Variants in CSF1R observed in about 807,000 individuals in gnomAD.
The protein encoded by CSF1R is macrophage colony-stimulating factor 1 receptor.
In CSF1R, 40 loss-of-function variants were observed where a neutral mutation model predicts 110.0. The ratio of observed to expected loss-of-function variants is 0.36; its 90% confidence interval spans 0.28 to 0.47. The LOEUF (loss-of-function observed/expected upper bound fraction) is 0.47, where lower values mean the gene tolerates loss of function less well. Among genes scored for constraint, CSF1R ranks in the 20% least tolerant of loss-of-function variants. The probability of loss-of-function intolerance (pLI) is 0.99; values close to 1 mark genes in which losing one functional copy is unlikely to be tolerated. For synonymous variants in CSF1R, 523 were observed against 503.4 expected, an observed-to-expected ratio of 1.04 and a Z score of -0.52; for missense variants, 1,052 against 1,253.0, an observed-to-expected ratio of 0.84 and a Z score of 2.42.
At chr5:150,089,909 G>A (rs929090646), upstream of CSF1R, among the ~76,000 whole-genome samples, 7 of 152,254 alleles carry the variant, frequency 4.6e-5, no homozygotes, top group East Asian at 9.6e-4. Context: ...AACAAGGGTG[G>A]CAGGACCATC....
At chr5:150,056,420 C>G in intron 16 of CSF1R, 79 bp from the exon 17 acceptor site, 1 of 1,570,584 alleles carries the variant, frequency 6.4e-7, no homozygotes, top group Non-Finnish European at 8.7e-7. Context: ...AGGGAGGGCC[C>G]CACATGGCTT....
upstream of CSF1R, among the ~76,000 whole-genome samples, chr5:150,089,858 G>A (rs1037287952): frequency 6.6e-6 from 1 of 152,182 alleles, no homozygotes; most frequent in Non-Finnish European, 1.5e-5. Flanking sequence ...AAAATTGAGA[G>A]TCAGGAAGTA....
chr5:150,094,095 G>GT (rs1318169879), intron 1 of CSF1R, among the ~76,000 whole-genome samples: 1 of 151,478 alleles, frequency 6.6e-6, no homozygotes, highest in African/African-American at 2.4e-5. Context: ...ATTATTATGT[G>GT]TCAATCAAAA....
At chr5:150,085,532 A>G (rs1468419410) in intron 1 of CSF1R, among the ~76,000 whole-genome samples, 3 of 152,052 alleles carry the variant, frequency 2.0e-5, no homozygotes, top group African/African-American at 4.8e-5. Context: ...CCTCACCTCT[A>G]GTCATGTTCC....
At chr5:150,079,299 T>C (rs1377954053) in intron 3 of CSF1R, among the ~76,000 whole-genome samples, 2 of 152,200 alleles carry the variant, frequency 1.3e-5, no homozygotes. Flanking sequence ...CCCAGTGGCA[T>C]TGGGCTAGCT....
At chr5:150,058,133 G>A (rs1757335194) in intron 14 of CSF1R, 3 of 448,976 alleles carry the variant, frequency 6.7e-6, no homozygotes, top group Non-Finnish European at 8.9e-6. Context: ...GAGGCCCACT[G>A]GTCTAGAGCA....
chr5:150,111,925 A>G (rs935302873), intron 1 of CSF1R, among the ~76,000 whole-genome samples: 3 of 152,338 alleles, frequency 2.0e-5, no homozygotes, highest in African/African-American at 7.2e-5. Flanking sequence ...TGAGAATGTT[A>G]TACTTTAACC....
At chr5:150,112,291 T>C (rs947978135) in intron 1 of CSF1R, among the ~76,000 whole-genome samples, 3 of 152,218 alleles carry the variant, frequency 2.0e-5, no homozygotes, top group Non-Finnish European at 4.4e-5. Context: ...TAACATGGGA[T>C]AATAGTAGGA....
At chr5:150,086,560 G>C, upstream of CSF1R, 1 of 803,548 alleles carries the variant, frequency 1.2e-6, no homozygotes, top group Non-Finnish European at 2.0e-6. Context: ...TGTTTGTCTT[G>C]TTTTCCTCTT....
At chr5:150,076,551 G>C (rs921812111) in intron 5 of CSF1R, among the ~76,000 whole-genome samples, 1 of 152,056 alleles carries the variant, frequency 6.6e-6, no homozygotes, top group Non-Finnish European at 1.5e-5. Context: ...TGTACAATCT[G>C]ACCCCATCAC....
At chr5:150,102,248 C>T (rs184279962) in intron 1 of CSF1R, among the ~76,000 whole-genome samples, 2 of 152,260 alleles carry the variant, frequency 1.3e-5, no homozygotes, top group South Asian at 2.1e-4. Context: ...TGCATTCTCA[C>T]CAACAGTGTG....
intron 3 of CSF1R, among the ~76,000 whole-genome samples, chr5:150,078,759 C>A (rs954771697): frequency 6.6e-6 from 1 of 152,172 alleles, no homozygotes; most frequent in Non-Finnish European, 1.5e-5. Flanking sequence ...GGCCTTTGCA[C>A]CCACCTTTCC....
Position 150,073,446 on chromosome 5 carries a change from C to A in CSF1R, c.937G>T (p.Val313Leu). The A allele has an allele frequency of 6.2e-7, 1 of 1,614,132 alleles. No homozygotes were observed. Among genetic ancestry groups the A allele is most frequent in the Non-Finnish European group, 8.5e-7 (1 of 1,180,012 alleles). ...LSSEQNLIQE[V>L]TVGEGLNLKV... ...AGGTTGAGCCCCTCCCCCACGGTCA[C>A]CTCCTGGATGAGGTTCTGCTCAGAG... The change falls in exon 6 of 21, where the codon GTG (valine) becomes TTG (leucine). Residue 313 changes from valine (V) to leucine (L), a missense_variant. Physicochemically the swap from Val to Leu is conservative, Grantham distance 32 (BLOSUM62 1). Coordinates refer to ENST00000675795, the MANE Select transcript of CSF1R (RefSeq NM_001288705.3).
Position 150,062,958 on chromosome 5 carries a change from G to A in CSF1R, c.1627-1109C>T, listed in dbSNP as rs946907752. On this transcript the variant is annotated intron_variant, in intron 10 of 20. Coordinates refer to ENST00000675795, the MANE Select transcript of CSF1R (RefSeq NM_001288705.3). ...GCAGCCATCATGGCTTGAGGGAAGTGGGGGGCAGATTCCAGAAACAGGAAG... is the reference window on the plus strand; with the variant it reads ...GCAGCCATCATGGCTTGAGGGAAGTAGGGGGCAGATTCCAGAAACAGGAAG... Among the ~76,000 whole-genome samples, 158 of 152,220 alleles carry A rather than the reference G, an allele frequency of 1.0e-3. 3 individuals carry two copies. The highest frequency in any genetic ancestry group is 2.2e-3 in the African/African-American group (90 of 41,514).
intron 3 of CSF1R, among the ~76,000 whole-genome samples, chr5:150,079,717 C>T (rs950726020): frequency 1.3e-5 from 2 of 152,308 alleles, no homozygotes; most frequent in Middle Eastern, 3.4e-3. Flanking sequence ...TTCAGATTTC[C>T]GCTCTAATAA....
At position 150,058,736 on chromosome 5, in the gene CSF1R, T is replaced by C. The variant is rs1757364980; in HGVS notation, c.2132+964A>G. 2.6e-5 allele frequency among the ~76,000 whole-genome samples: 4 copies of C among 151,648 alleles called. No individual in the cohort carries two copies. In the South Asian group the frequency reaches 6.3e-4, roughly 24 times the overall value. Reference sequence around the variant, plus strand: ...GGGTGAAGAGATGGCCTCCTTCTCTTTTGCCTCCCCAGGCGTGGCAGCTGA... The same window carrying C: ...GGGTGAAGAGATGGCCTCCTTCTCTCTTGCCTCCCCAGGCGTGGCAGCTGA... On this transcript the variant is annotated intron_variant, in intron 14 of 20. Coordinates refer to ENST00000675795, the MANE Select transcript of CSF1R (RefSeq NM_001288705.3).
At chr5:150,063,371 CAG>C (rs1001027006) in intron 10 of CSF1R, among the ~76,000 whole-genome samples, 33 of 151,492 alleles carry the variant, frequency 2.2e-4, no homozygotes, top group African/African-American at 6.8e-4. Context: ...TTTTTTGAGA[CAG>C]AGTCTTGCTC....
At chr5:150,061,654 C>G (rs1297939084) in intron 11 of CSF1R, 59 bp from the exon 12 acceptor site, 4 of 1,614,152 alleles carry the variant, frequency 2.5e-6, no homozygotes, top group Non-Finnish European at 3.4e-6. Flanking sequence ...GTCCAAGGGC[C>G]CATGGGCTCC....
Position 150,078,343 on chromosome 5 carries a change from A to C in CSF1R, c.593-95T>G, listed in dbSNP as rs562060670. 3 of 1,487,732 alleles carry C rather than the reference A, an allele frequency of 2.0e-6. No homozygotes were observed. The South Asian group carries it at 3.9e-5, about 19-fold the overall frequency. The allele number at this position is 1,487,732 out of a possible 1,614,324, so 92.2% of individuals were successfully genotyped here. On this transcript the variant is annotated intron_variant, in intron 3 of 20. Coordinates refer to ENST00000675795, the MANE Select transcript of CSF1R (RefSeq NM_001288705.3). Reference sequence around the variant, plus strand: ...TGCCATGGGCCAGGACACACAGGCCAGGGTCCCCATCACTGCCCCATCCCA... The same window carrying C: ...TGCCATGGGCCAGGACACACAGGCCCGGGTCCCCATCACTGCCCCATCCCA...
Sources: gnomAD v4.1 joint callset for allele counts (sites outside exome capture counted in the v4.1 genomes callset) on GRCh38, gnomAD v4.1.1 for gene constraint, MANE v1.5 for transcripts, NCBI Gene and HGNC (gene_info 2026-07-23, HGNC 2026-07-21) for gene names.